Variants in PPP2R5E observed in about 807,000 individuals in gnomAD.
PPP2R5E encodes serine/threonine-protein phosphatase 2A 56 kDa regulatory subunit epsilon isoform.
PPP2R5E carries 4 observed loss-of-function variants against 65.3 expected under a neutral mutation model. The observed-to-expected ratio is 0.06, with a 90% confidence interval of 0.03 to 0.14. PPP2R5E has a LOEUF of 0.14. Ranked by LOEUF, PPP2R5E falls within the 10% of genes least tolerant of loss-of-function variation. The pLI is 1.00. For missense variants in PPP2R5E, 274 were observed against 556.1 expected (o/e 0.49, Z 5.10); for synonymous variants, 183 against 187.4 (o/e 0.98, Z 0.19).
At chr14:63,407,684 T>A (rs963285359) in intron 5 of PPP2R5E, among the ~76,000 whole-genome samples, 1 of 152,196 alleles carries the variant, frequency 6.6e-6, no homozygotes, top group Non-Finnish European at 1.5e-5. Flanking sequence ...ATTGCTATAG[T>A]CTGAATGTGT....
intron 1 of PPP2R5E, among the ~76,000 whole-genome samples, chr14:63,541,858 A>T (rs1893916411): frequency 6.6e-6 from 1 of 152,182 alleles, no homozygotes; most frequent in Non-Finnish European, 1.5e-5. Flanking sequence ...TACCTAATTT[A>T]GCCTTAATAT....
At chr14:63,427,198 G>A (rs970892588) in intron 3 of PPP2R5E, among the ~76,000 whole-genome samples, 6 of 152,074 alleles carry the variant, frequency 3.9e-5, no homozygotes, top group Admixed American at 2.6e-4. Flanking sequence ...GAGCCTATGC[G>A]GCTAGATTAA....
At chr14:63,509,336 G>A (rs934884240) in intron 2 of PPP2R5E, among the ~76,000 whole-genome samples, 10 of 141,300 alleles carry the variant, frequency 7.1e-5, no homozygotes, top group African/African-American at 2.2e-4. Context: ...GTGCAGTGGC[G>A]CGATCTCAGC....
intron 2 of PPP2R5E, among the ~76,000 whole-genome samples, chr14:63,512,546 C>A (rs1298435674): frequency 1.3e-5 from 2 of 152,144 alleles, no homozygotes; most frequent in Non-Finnish European, 2.9e-5. Flanking sequence ...AGATTTGAGA[C>A]ACATAACTAC....
In PPP2R5E at chr14:63,374,984, G is replaced by C. The variant is rs1412387974; in HGVS notation, c.*1025C>G. ...GTAACATGTTTGTTTTTTCCCAGAG[G>C]CTACATCCTCTTTTGCTGGAATACT... On this transcript the variant is annotated 3_prime_UTR_variant, in exon 14 of 14. Coordinates refer to ENST00000337537, the MANE Select transcript of PPP2R5E (RefSeq NM_006246.5). 2 of 152,388 alleles carry C rather than the reference G, an allele frequency of 1.3e-5. No individual in the cohort carries two copies. The highest frequency in any genetic ancestry group is 1.3e-4 in the Admixed American group (2 of 15,262). 9.4% of individuals were successfully genotyped at this position (152,388 alleles called of 1,614,324 possible). A position where few individuals can be genotyped will look rare whatever the true frequency, so the allele number is the denominator to read the frequency against.
intron 3 of PPP2R5E, among the ~76,000 whole-genome samples, chr14:63,429,660 T>C (rs997866854): frequency 2.0e-5 from 3 of 152,042 alleles, no homozygotes; most frequent in Admixed American, 2.0e-4. Context: ...CATGGTTTTT[T>C]GTTTGTTTGT....
intron 2 of PPP2R5E, among the ~76,000 whole-genome samples, chr14:63,488,218 G>A (rs4556718): frequency 6.7e-6 from 1 of 149,688 alleles, no homozygotes; most frequent in African/African-American, 2.5e-5. Flanking sequence ...TTTTTTTTGA[G>A]ACAGGGCCTT....
chr14:63,510,532 A>G (rs746625443), intron 2 of PPP2R5E, among the ~76,000 whole-genome samples: 8 of 152,252 alleles, frequency 5.3e-5, no homozygotes, highest in Non-Finnish European at 7.3e-5. Flanking sequence ...TGTATCATTG[A>G]CAGCCTCTCT....
chr14:63,385,204 T>C (rs1460193347), intron 11 of PPP2R5E, among the ~76,000 whole-genome samples: 1 of 152,026 alleles, frequency 6.6e-6, no homozygotes, highest in Non-Finnish European at 1.5e-5. Context: ...CATGTGCCTA[T>C]AGTCCCACCT....
Position 63,520,859 on chromosome 14 carries a change from CAAAAAAAAAAAAAAAAA to C in PPP2R5E, c.157+18653_157+18669del, listed in dbSNP as rs748146106. ...TGAAACCTCATCTCTACTAAAAATA[CAAAAAAAAAAAAAAAAA>C]AAAAAAAAAACAATTAGCCGGGCAT... On this transcript the variant is annotated intron_variant, in intron 2 of 13. Coordinates refer to ENST00000337537, the MANE Select transcript of PPP2R5E (RefSeq NM_006246.5). Among the ~76,000 whole-genome samples the C allele has an allele frequency of 5.1e-5, 3 of 58,530 alleles. No individual in the cohort carries two copies. In the Admixed American group the frequency reaches 7.8e-4, roughly 15 times the overall value. The allele number at this position is 58,530 out of a possible 152,430, so 38.4% of individuals were successfully genotyped here.
chr14:63,390,038 TCTCTA>T, intron 10 of PPP2R5E, among the ~76,000 whole-genome samples: 1 of 151,736 alleles, frequency 6.6e-6, no homozygotes. Flanking sequence ...AGGGCCTTCC[TCTCTA>T]TTATTAGTAA....
intron 3 of PPP2R5E, among the ~76,000 whole-genome samples, chr14:63,428,102 C>T (rs953555427): frequency 2.0e-5 from 3 of 152,172 alleles, no homozygotes; most frequent in African/African-American, 2.4e-5. Context: ...AGGATGACTT[C>T]GCTCAGCATT....
intron 3 of PPP2R5E, among the ~76,000 whole-genome samples, chr14:63,447,729 T>A (rs1047928256): frequency 6.6e-6 from 1 of 152,232 alleles, no homozygotes; most frequent in South Asian, 2.1e-4. Flanking sequence ...TGTTTCAGCT[T>A]TTGACATGCC....
intron 3 of PPP2R5E, among the ~76,000 whole-genome samples, chr14:63,433,032 GTTTTT>G (rs747571866): frequency 1.0e-5 from 1 of 96,462 alleles, no homozygotes; most frequent in South Asian, 3.8e-4. Context: ...GTTTTGTTTT[GTTTTT>G]TTTTTTTTTT....
At position 63,526,287 on chromosome 14, in the gene PPP2R5E, C is replaced by G. The variant is rs141604098; in HGVS notation, c.157+13242G>C. The stretch of plus-strand genomic sequence containing the variant: ...GCTGTGTTCCAGACCAGTGTGTGTG[C>G]TGGGGAATGGGCAAGCGAAATGGAG... On this transcript the variant is annotated intron_variant, in intron 2 of 13. Transcript: ENST00000337537. 7.5e-4 allele frequency among the ~76,000 whole-genome samples: 115 copies of G among 152,322 alleles called. 1 individual carries two copies. Among genetic ancestry groups the G allele is most frequent in the Middle Eastern group, 3.4e-3 (1 of 294 alleles).
chr14:63,383,510 T>C (rs1884487957), intron 12 of PPP2R5E, among the ~76,000 whole-genome samples: 1 of 152,182 alleles, frequency 6.6e-6, no homozygotes, highest in African/African-American at 2.4e-5. Flanking sequence ...GTTCTCTAGG[T>C]CCTCAAGAGA....
chr14:63,507,725 G>A (rs562552973), intron 2 of PPP2R5E, among the ~76,000 whole-genome samples: 1 of 151,642 alleles, frequency 6.6e-6, no homozygotes, highest in Admixed American at 6.6e-5. Flanking sequence ...GACTACAGGC[G>A]CCCGCCACCA....
intron 3 of PPP2R5E, among the ~76,000 whole-genome samples, chr14:63,438,580 G>C (rs1888052547): frequency 6.6e-6 from 1 of 152,106 alleles, no homozygotes; most frequent in South Asian, 2.1e-4. Context: ...GAGACAGGGG[G>C]AGTATACTCA....
intron 2 of PPP2R5E, among the ~76,000 whole-genome samples, chr14:63,457,678 G>C (rs1380301125): frequency 6.6e-6 from 1 of 152,200 alleles, no homozygotes. Flanking sequence ...GGATCCCACA[G>C]AAGCACGGCC....
Sources: gnomAD v4.1 joint callset for allele counts (sites outside exome capture counted in the v4.1 genomes callset) on GRCh38, gnomAD v4.1.1 for gene constraint, MANE v1.5 for transcripts, NCBI Gene and HGNC (gene_info 2026-07-23, HGNC 2026-07-21) for gene names.